KAZN: variants seen among roughly 807,000 people sequenced by gnomAD.
KAZN encodes kazrin.
KAZN carries 40 observed loss-of-function variants against 87.4 expected under a neutral mutation model. The observed-to-expected ratio is 0.46, with a 90% CI of 0.36 to 0.60. KAZN has a LOEUF of 0.60. Ranked by LOEUF, KAZN falls within the 20% of genes least tolerant of loss-of-function variation. The pLI is 0.00. For missense variants in KAZN, 898 were observed against 1,073.9 expected, an observed-to-expected ratio of 0.84 and a Z score of 2.29; for synonymous variants, 466 against 458.3, an observed-to-expected ratio of 1.02 and a Z score of -0.22.
intron 2 of KAZN, among the ~76,000 whole-genome samples, chr1:14,216,893 G>T (rs1463758811): frequency 6.6e-6 from 1 of 152,050 alleles, no homozygotes; most frequent in African/African-American, 2.4e-5. Flanking sequence ...GACAAGAGTG[G>T]AACTCTGTCT....
chr1:14,102,280 C>T (rs1369045312), intron 1 of KAZN, among the ~76,000 whole-genome samples: 1 of 152,138 alleles, frequency 6.6e-6, no homozygotes, highest in African/African-American at 2.4e-5. Flanking sequence ...TGGTTAACTT[C>T]TCTGTCTGGA....
chr1:14,297,370 G>C (rs1654205454), intron 2 of KAZN, among the ~76,000 whole-genome samples: 1 of 152,196 alleles, frequency 6.6e-6, no homozygotes, highest in Non-Finnish European at 1.5e-5. Flanking sequence ...ACTGATTTTC[G>C]TTAGTCTCAT....
chr1:14,513,370 T>A (rs1256430836), intron 2 of KAZN, among the ~76,000 whole-genome samples: 1 of 152,170 alleles, frequency 6.6e-6, no homozygotes, highest in African/African-American at 2.4e-5. Flanking sequence ...GTTGATAGAC[T>A]TCTGTTTAAA....
intron 2 of KAZN, among the ~76,000 whole-genome samples, chr1:14,509,449 C>A (rs796442146): frequency 3.3e-5 from 5 of 152,322 alleles, no homozygotes; most frequent in African/African-American, 1.2e-4. Flanking sequence ...TGGCCCAGCT[C>A]ACCAAATGGG....
At chr1:14,235,570 G>C (rs924214930) in intron 2 of KAZN, among the ~76,000 whole-genome samples, 3 of 152,114 alleles carry the variant, frequency 2.0e-5, no homozygotes, top group Admixed American at 6.5e-5. Flanking sequence ...CACTAAAAAC[G>C]TCTGATTTGT....
chr1:14,758,603 A>G (rs10803314), intron 1 of KAZN, among the ~76,000 whole-genome samples: 78,550 of 152,044 alleles, frequency 0.52, 20,907 homozygotes, highest in Middle Eastern at 0.6. Flanking sequence ...ATGAGCCACC[A>G]CAATGCCCTC....
chr1:14,309,955 T>C (rs1485109663), intron 2 of KAZN, among the ~76,000 whole-genome samples: 2 of 152,194 alleles, frequency 1.3e-5, no homozygotes, highest in East Asian at 3.9e-4. Context: ...GCTGTTGTTC[T>C]TTAGGCAAGA....
intron 2 of KAZN, among the ~76,000 whole-genome samples, chr1:14,399,902 C>CACA (rs1663242178): frequency 6.6e-6 from 1 of 152,186 alleles, no homozygotes; most frequent in African/African-American, 2.4e-5. Context: ...CATTTATACC[C>CACA]TGTTCATCTC....
intron 1 of KAZN, among the ~76,000 whole-genome samples, chr1:14,174,119 C>T (rs1470607173): frequency 6.6e-6 from 1 of 152,158 alleles, no homozygotes; most frequent in Non-Finnish European, 1.5e-5. Flanking sequence ...CAGGTTGTAA[C>T]TGAGGGTACA....
rs140030191 is a variant in KAZN at position 14,722,854 on chromosome 1, C to G, written c.226+123631C>G. ...TAAACACCTCCATTTAGCTGGGTGC[C>G]ATGACTCATGCCTGTAATCCCAACC... is the stretch of plus-strand genomic sequence containing the variant. On this transcript the variant is annotated intron_variant, in intron 1 of 14. Coordinates refer to ENST00000376030, the MANE Select transcript of KAZN (RefSeq NM_201628.3). 1.5e-3 allele frequency among the ~76,000 whole-genome samples: 225 copies of G among 152,262 alleles called. 1 individual carries two copies. Among genetic ancestry groups the G allele is most frequent in the African/African-American group, 5.1e-3 (214 of 41,562 alleles).
chr1:14,774,785 C>T (rs951287029), intron 1 of KAZN, among the ~76,000 whole-genome samples: 25 of 149,892 alleles, frequency 1.7e-4, no homozygotes, highest in African/African-American at 5.7e-4. Flanking sequence ...ATGCCCAGCC[C>T]TTGAGCAGAT....
intron 2 of KAZN, among the ~76,000 whole-genome samples, chr1:14,520,892 T>G (rs551629681): frequency 6.6e-6 from 1 of 152,210 alleles, no homozygotes; most frequent in Non-Finnish European, 1.5e-5. Flanking sequence ...CAGCAAACTG[T>G]TCATCCATCC....
intron 2 of KAZN, among the ~76,000 whole-genome samples, chr1:14,400,152 G>A (rs773424815): frequency 1.3e-5 from 2 of 152,060 alleles, no homozygotes; most frequent in Admixed American, 1.3e-4. Flanking sequence ...GGACAGGGAC[G>A]GAATGTTTAG....
chr1:14,159,633 C>T (rs937285337), intron 1 of KAZN, among the ~76,000 whole-genome samples: 1 of 152,140 alleles, frequency 6.6e-6, no homozygotes, highest in Non-Finnish European at 1.5e-5. Flanking sequence ...GGTGCAAGAC[C>T]AAGTCCCCTT....
chr1:14,718,106 A>C (rs1352243189), intron 1 of KAZN, among the ~76,000 whole-genome samples: 1 of 152,182 alleles, frequency 6.6e-6, no homozygotes, highest in Non-Finnish European at 1.5e-5. Flanking sequence ...CAAAGAAGCA[A>C]ATTACCCCCA....
chr1:14,418,997 G>A (rs1056917166), intron 2 of KAZN, among the ~76,000 whole-genome samples: 4 of 152,142 alleles, frequency 2.6e-5, no homozygotes, highest in African/African-American at 9.7e-5. Context: ...CCTGCCATTC[G>A]GATACAACTG....
chr1:14,434,337 T>C (rs940783284), intron 2 of KAZN, among the ~76,000 whole-genome samples: 15 of 152,190 alleles, frequency 9.9e-5, no homozygotes, highest in African/African-American at 1.4e-4. Context: ...TGGGTTCTAA[T>C]GGCCAGCAGC....
chr1:14,547,519 C>A (rs1383463647), intron 2 of KAZN, among the ~76,000 whole-genome samples: 2 of 152,164 alleles, frequency 1.3e-5, no homozygotes, highest in Non-Finnish European at 2.9e-5. Context: ...AAATTGACGA[C>A]ATGAATCAAA....
At chr1:14,911,064 T>C (rs549227180) in intron 1 of KAZN, among the ~76,000 whole-genome samples, 3 of 152,248 alleles carry the variant, frequency 2.0e-5, no homozygotes, top group Admixed American at 2.0e-4. Context: ...GTGAACAAGC[T>C]CCATGCCAGG....
Sources: allele counts gnomAD v4.1 joint callset (sites outside exome capture counted in the v4.1 genomes callset), GRCh38; gene constraint gnomAD v4.1.1; transcripts MANE v1.5; gene names NCBI Gene and HGNC (gene_info 2026-07-23, HGNC 2026-07-21).